DSCAML1: variants seen among roughly 807,000 people sequenced by gnomAD.
The protein encoded by DSCAML1 is DS cell adhesion molecule like 1, also known as cell adhesion molecule DSCAML1.
A neutral mutation model predicts 200.5 loss-of-function variants in DSCAML1; 38 were observed. The ratio of observed to expected loss-of-function variants is 0.19; its 90% confidence interval spans 0.15 to 0.25. DSCAML1 has a LOEUF of 0.25. Ranked by LOEUF, DSCAML1 falls within the 10% of genes least tolerant of loss-of-function variation. The probability of loss-of-function intolerance (pLI) is 1.00; values close to 1 mark genes in which losing one functional copy is unlikely to be tolerated. For missense variants in DSCAML1, 2,223 were observed against 2,858.8 expected (o/e 0.78, Z 5.07); for synonymous variants, 1,215 against 1,165.0 (o/e 1.04, Z -0.87).
chr11:117,684,384 C>T (rs1440478608), intron 3 of DSCAML1, among the ~76,000 whole-genome samples: 2 of 145,902 alleles, frequency 1.4e-5, no homozygotes, highest in African/African-American at 5.1e-5. Flanking sequence ...GTATGAAACC[C>T]ATCAGCGCTT....
Position 117,505,880 on chromosome 11 carries a change from A to C in DSCAML1, c.1784-148T>G. On this transcript the variant is annotated intron_variant, in intron 8 of 32. Transcript: ENST00000651296. This position sits in a 1 kb window ranked among gnomAD's most constrained non-coding sequence, Gnocchi z 6.7. ...TGCAGCCTTGTTCTCCTATGCATGC[A>C]GGGTCTCCTAATGATGCCTGGCTCC... is the stretch of plus-strand genomic sequence containing the variant. 3.1e-6 allele frequency: 3 copies of C among 971,398 alleles called. No individual in the cohort carries two copies. Among genetic ancestry groups the C allele is most frequent in the Non-Finnish European group, 4.5e-6 (3 of 672,244 alleles). The allele number at this position is 971,398 out of a possible 1,614,324, so 60.2% of individuals were successfully genotyped here. A position where few individuals can be genotyped will look rare whatever the true frequency, so the allele number is the denominator to read the frequency against.
chr11:117,466,241 A>G (rs142032586), intron 16 of DSCAML1, among the ~76,000 whole-genome samples: 20 of 152,362 alleles, frequency 1.3e-4, no homozygotes, highest in African/African-American at 4.8e-4. Flanking sequence ...CGATAGTGCA[A>G]TACAATGGGA....
At chr11:117,776,721 G>T in intron 3 of DSCAML1, 70 bp downstream of exon 3, 1 of 1,570,698 alleles carries the variant, frequency 6.4e-7, no homozygotes, top group Non-Finnish European at 8.7e-7. Flanking sequence ...ACCAGCTCAG[G>T]CATCTCTACT....
intron 1 of DSCAML1, among the ~76,000 whole-genome samples, chr11:117,814,286 C>T (rs186161446): frequency 6.6e-6 from 1 of 152,346 alleles, no homozygotes; most frequent in East Asian, 1.9e-4. Flanking sequence ...CCATGTTGCT[C>T]ACACAAAGCC....
intron 4 of DSCAML1, among the ~76,000 whole-genome samples, chr11:117,531,891 A>C (rs2050082422): frequency 6.9e-6 from 1 of 144,238 alleles, no homozygotes. Context: ...CGTCTCAGGA[A>C]AAAGAAAGAA....
rs1268958031 is a variant in DSCAML1 at position 117,695,305 on chromosome 11, C to CTTTT, written c.511+81485_511+81486insAAAA. ...GGCAGATCTTTTTTTTCTTTTCTTTCTTTCTTTTTCTTTTTTTTTTTTTTT... is the reference window on the plus strand; with the variant it reads ...GGCAGATCTTTTTTTTCTTTTCTTTCTTTTTTTCTTTTTCTTTTTTTTTTTTTTT... On this transcript the variant is annotated intron_variant, in intron 3 of 32. Transcript: ENST00000651296. Among the ~76,000 whole-genome samples the CTTTT allele has an allele frequency of 2.1e-3, 275 of 131,242 alleles. 1 individual carries two copies. The highest frequency in any genetic ancestry group is 7.7e-3 in the African/African-American group (262 of 34,018). The allele number at this position is 131,242 out of a possible 152,430, so 86.1% of individuals were successfully genotyped here.
At chr11:117,655,125 C>G (rs542295464) in intron 3 of DSCAML1, among the ~76,000 whole-genome samples, 2 of 152,300 alleles carry the variant, frequency 1.3e-5, no homozygotes, top group East Asian at 3.9e-4. Flanking sequence ...GGCCAGCTCA[C>G]ACGCAGGTCT....
chr11:117,619,672 T>G (rs1401760294), intron 3 of DSCAML1, among the ~76,000 whole-genome samples: 1 of 151,920 alleles, frequency 6.6e-6, no homozygotes. Context: ...AATGAAGATT[T>G]GAAAAAAAAA....
At chr11:117,441,842 C>T (rs1395993047) in intron 21 of DSCAML1, among the ~76,000 whole-genome samples, 1 of 152,114 alleles carries the variant, frequency 6.6e-6, no homozygotes, top group South Asian at 2.1e-4. Flanking sequence ...CACATGAAGA[C>T]GGCCTCCATG....
At chr11:117,816,806 T>C (rs55895406) in intron 1 of DSCAML1, among the ~76,000 whole-genome samples, 3 of 145,160 alleles carry the variant, frequency 2.1e-5, no homozygotes, top group East Asian at 2.1e-4. Context: ...GCTGGGGGGG[T>C]GGGGTGGAGA....
At position 117,518,066 on chromosome 11, in the gene DSCAML1, C is replaced by T. The variant is rs1242155683; in HGVS notation, c.1510+400G>A. Among the ~76,000 whole-genome samples, 1 of 152,178 alleles carries T rather than the reference C, an allele frequency of 6.6e-6. No homozygotes were observed. Among genetic ancestry groups the T allele is most frequent in the African/African-American group, 2.4e-5 (1 of 41,436 alleles). ...AACCATGTTAAAGACCAAGCCTGGTCCCCAGCCCCTGCACTGTCTTGCCCT... is the reference window on the plus strand; with the variant it reads ...AACCATGTTAAAGACCAAGCCTGGTTCCCAGCCCCTGCACTGTCTTGCCCT... On this transcript the variant is annotated intron_variant, in intron 7 of 32. Transcript: ENST00000651296. This position sits in a 1 kb window ranked among gnomAD's most constrained non-coding sequence, Gnocchi z 6.3.
At chr11:117,433,018 T>C in intron 29 of DSCAML1, 120 bp downstream of exon 29, 1 of 825,384 alleles carries the variant, frequency 1.2e-6, no homozygotes, top group Non-Finnish European at 2.0e-6. Context: ...GTTGAGTGGT[T>C]GATGGGGCTA....
intron 3 of DSCAML1, among the ~76,000 whole-genome samples, chr11:117,681,421 C>T (rs913545075): frequency 6.6e-6 from 1 of 152,178 alleles, no homozygotes. Context: ...TGGCCTGCCC[C>T]CTCCTTGAAG....
chr11:117,773,282 G>C (rs2055071338), intron 3 of DSCAML1, among the ~76,000 whole-genome samples: 1 of 152,074 alleles, frequency 6.6e-6, no homozygotes, highest in African/African-American at 2.4e-5. Context: ...GCTCTGATGG[G>C]CCCACACCAG....
At chr11:117,625,396 T>C (rs139384708) in intron 3 of DSCAML1, among the ~76,000 whole-genome samples, 12 of 152,330 alleles carry the variant, frequency 7.9e-5, no homozygotes, top group Non-Finnish European at 1.6e-4. Context: ...CTCACATTCA[T>C]GCTAAGCTAT....
chr11:117,532,085 ATGTT>A (rs1334302789), intron 4 of DSCAML1, among the ~76,000 whole-genome samples: 3 of 150,894 alleles, frequency 2.0e-5, no homozygotes, highest in Admixed American at 2.0e-4. Flanking sequence ...AATAGTTACT[ATGTT>A]TGAGTATCAG....
intron 1 of DSCAML1, among the ~76,000 whole-genome samples, chr11:117,782,508 TA>T (rs1435756020): frequency 4.6e-5 from 7 of 152,140 alleles, no homozygotes; most frequent in Non-Finnish European, 1.0e-4. Context: ...GTGACAGTCA[TA>T]AAGTTGGTGG....
chr11:117,726,109 C>A (rs1029859217), intron 3 of DSCAML1, among the ~76,000 whole-genome samples: 1 of 152,202 alleles, frequency 6.6e-6, no homozygotes, highest in South Asian at 2.1e-4. Flanking sequence ...AGAAGCAGGA[C>A]GAAGTGGGAA....
At chr11:117,482,264 C>G (rs761795848) in intron 11 of DSCAML1, 102 bp from the exon 12 acceptor site, 11 of 1,361,886 alleles carry the variant, frequency 8.1e-6, no homozygotes, top group Non-Finnish European at 1.0e-5. Flanking sequence ...CCTCCTCCCC[C>G]AGGAGAGGCT....
Sources: gnomAD v4.1 joint callset for allele counts (sites outside exome capture counted in the v4.1 genomes callset) on GRCh38, gnomAD v4.1.1 for gene constraint, Gnocchi (gnomAD v3.1) non-coding constraint, MANE v1.5 for transcripts, NCBI Gene and HGNC (gene_info 2026-07-23, HGNC 2026-07-21) for gene names.